Variants in RORA observed in about 807,000 individuals in gnomAD.
The protein encoded by RORA is nuclear receptor ROR-alpha.
RORA carries 7 observed loss-of-function variants against 69.5 expected under a neutral mutation model. The ratio of observed to expected loss-of-function variants is 0.10; its 90% CI spans 0.06 to 0.19. RORA has a LOEUF of 0.19. Among genes scored for constraint, RORA ranks in the 10% least tolerant of loss-of-function variants. RORA has a pLI of 1.00. For synonymous variants in RORA, 261 were observed against 240.8 expected (o/e 1.08, Z -0.78); for missense variants, 457 against 663.0 (o/e 0.69, Z 3.41).
chr15:60,669,308 G>A (rs1007281145), intron 2 of RORA, among the ~76,000 whole-genome samples: 2 of 150,766 alleles, frequency 1.3e-5, no homozygotes, highest in Non-Finnish European at 1.5e-5. Context: ...TTCTCTTTTC[G>A]GACCAGATCT....
chr15:60,935,832 G>A (rs1484996990), intron 1 of RORA, among the ~76,000 whole-genome samples: 1 of 152,194 alleles, frequency 6.6e-6, no homozygotes, highest in African/African-American at 2.4e-5. Context: ...CTTTGAGACC[G>A]CAGCAGACAA....
chr15:61,180,073 G>A (rs938143504), intron 1 of RORA, among the ~76,000 whole-genome samples: 3 of 149,996 alleles, frequency 2.0e-5, no homozygotes, highest in Admixed American at 2.0e-4. Flanking sequence ...GAACCCAGGA[G>A]GCAGAGGCTG....
chr15:60,536,481 C>G (rs1010489330), intron 2 of RORA, among the ~76,000 whole-genome samples: 1 of 152,234 alleles, frequency 6.6e-6, no homozygotes, highest in African/African-American at 2.4e-5. Flanking sequence ...TCCTTCACAA[C>G]ATTGCTGCTT....
chr15:60,592,241 C>T (rs2068543353), intron 2 of RORA: 2 of 454,996 alleles, frequency 4.4e-6, no homozygotes, highest in East Asian at 5.0e-5. Context: ...CGGCGGTGGC[C>T]CAGAAGGCCC....
At chr15:61,073,146 G>A (rs2078392732) in intron 1 of RORA, among the ~76,000 whole-genome samples, 1 of 152,224 alleles carries the variant, frequency 6.6e-6, no homozygotes, top group Non-Finnish European at 1.5e-5. Flanking sequence ...AACTGGCCAA[G>A]GGCCGGACAT....
chr15:60,815,968 A>ACAC (rs2072806645), intron 1 of RORA, among the ~76,000 whole-genome samples: 4 of 128,884 alleles, frequency 3.1e-5, no homozygotes, highest in African/African-American at 8.8e-5. Context: ...TAGTATATGT[A>ACAC]TTTATTTACT....
At chr15:60,658,327 T>A (rs1453140763) in intron 2 of RORA, among the ~76,000 whole-genome samples, 1 of 152,192 alleles carries the variant, frequency 6.6e-6, no homozygotes, top group African/African-American at 2.4e-5. Context: ...AGTGCTGGGA[T>A]TACAGGCATG....
At chr15:60,807,825 A>G (rs2072680201) in intron 1 of RORA, among the ~76,000 whole-genome samples, 2 of 152,238 alleles carry the variant, frequency 1.3e-5, no homozygotes, top group South Asian at 4.1e-4. Context: ...GAAAGTGGAG[A>G]AAGTACACCC....
intron 1 of RORA, among the ~76,000 whole-genome samples, chr15:60,912,106 T>C (rs1188932873): frequency 6.6e-6 from 1 of 152,150 alleles, no homozygotes; most frequent in Non-Finnish European, 1.5e-5. Context: ...CTTAAGGCAA[T>C]GCCTGTTAAA....
chr15:61,114,807 C>T (rs1186594724), intron 1 of RORA, among the ~76,000 whole-genome samples: 1 of 152,206 alleles, frequency 6.6e-6, no homozygotes, highest in Non-Finnish European at 1.5e-5. Context: ...CCGATATTTG[C>T]CCACACAGAC....
intron 1 of RORA, among the ~76,000 whole-genome samples, chr15:60,873,261 GTCT>G (rs2073578210): frequency 7.9e-6 from 1 of 126,842 alleles, no homozygotes; most frequent in Non-Finnish European, 1.9e-5. Context: ...GTGTGTGTGT[GTCT>G]GTGTGTGTGT....
intron 2 of RORA, among the ~76,000 whole-genome samples, chr15:60,595,069 A>G (rs920718039): frequency 2.6e-5 from 4 of 151,874 alleles, no homozygotes; most frequent in South Asian, 4.2e-4. Context: ...CACATTTTCT[A>G]TGACATTATA....
chr15:60,593,972 A>G (rs1323875866), intron 2 of RORA, among the ~76,000 whole-genome samples: 1 of 152,160 alleles, frequency 6.6e-6, no homozygotes, highest in Non-Finnish European at 1.5e-5. Flanking sequence ...TCTTCCAAAC[A>G]TTTATACAGC....
chr15:61,092,668 C>T (rs543894869), intron 1 of RORA, among the ~76,000 whole-genome samples: 1 of 152,236 alleles, frequency 6.6e-6, no homozygotes, highest in African/African-American at 2.4e-5. Context: ...CATTTACTTA[C>T]ATCTCTACAA....
At chr15:60,919,598 C>T (rs1891982846) in intron 1 of RORA, among the ~76,000 whole-genome samples, 1 of 152,158 alleles carries the variant, frequency 6.6e-6, no homozygotes, top group South Asian at 2.1e-4. Context: ...TATACAAAGA[C>T]TCCTGTATCA....
intron 1 of RORA, among the ~76,000 whole-genome samples, chr15:61,065,153 T>C (rs1318325740): frequency 6.6e-6 from 1 of 152,196 alleles, no homozygotes; most frequent in Non-Finnish European, 1.5e-5. Flanking sequence ...ACAGAATCTG[T>C]TTAAGATTTT....
chr15:60,910,122 C>T (rs1006311734), intron 1 of RORA, among the ~76,000 whole-genome samples: 1 of 152,152 alleles, frequency 6.6e-6, no homozygotes, highest in Non-Finnish European at 1.5e-5. Context: ...ATAGGATGTC[C>T]AGGTTCAGAG....
chr15:61,084,973 A>G (rs1355031713), intron 1 of RORA, among the ~76,000 whole-genome samples: 3 of 152,122 alleles, frequency 2.0e-5, no homozygotes, highest in Non-Finnish European at 4.4e-5. Context: ...ATCCTCAACC[A>G]TAATTCCCAG....
intron 5 of RORA, among the ~76,000 whole-genome samples, chr15:60,510,737 C>A (rs2065668618): frequency 6.6e-6 from 1 of 152,106 alleles, no homozygotes; most frequent in Admixed American, 6.6e-5. Flanking sequence ...TTTTCCCCTC[C>A]CACAAGAAGC....
Sources: gnomAD v4.1 joint callset for allele counts (sites outside exome capture counted in the v4.1 genomes callset) on GRCh38, gnomAD v4.1.1 for gene constraint, MANE v1.5 for transcripts, NCBI Gene and HGNC (gene_info 2026-07-23, HGNC 2026-07-21) for gene names.